LMOD3: variants seen among roughly 807,000 people sequenced by gnomAD.
The protein encoded by LMOD3 is leiomodin-3.
In LMOD3, 31 loss-of-function variants were observed where a neutral mutation model predicts 41.8. That is an observed-to-expected ratio of 0.74 (90% confidence interval 0.56 to 1.00). LMOD3 has a LOEUF of 1.00. Among genes scored for constraint, LMOD3 ranks in the 50% least tolerant of loss-of-function variants. LMOD3 has a pLI of 0.00. For missense variants in LMOD3, 755 were observed against 679.5 expected, an observed-to-expected ratio of 1.11 and a Z score of -1.23; for synonymous variants, 292 against 241.9, an observed-to-expected ratio of 1.21 and a Z score of -1.92.
In LMOD3 at chr3:69,119,208, T is replaced by C. The variant is rs751904755; in HGVS notation, c.1147A>G (p.Arg383Gly). The C allele has an allele frequency of 6.2e-7, 1 of 1,613,916 alleles. No homozygotes were observed. Among genetic ancestry groups the C allele is most frequent in the Non-Finnish European group, 8.5e-7 (1 of 1,179,880 alleles). The stretch of plus-strand genomic sequence containing the variant: ...GTGAGCAGATTAGTGACCACCATTC[T>C]GGGACCCGGAAGCTCAAAATGGTAG... ...MGYHFELPGP[R>G]MVVTNLLTRN... The change falls in exon 2 of 3, where the codon AGA becomes GGA. Residue 383 changes from arginine (R) to glycine (G), a missense_variant. Transcript: ENST00000420581.
chr3:69,111,094 G>A (rs1305419569), intron 2 of LMOD3, among the ~76,000 whole-genome samples: 1 of 151,852 alleles, frequency 6.6e-6, no homozygotes, highest in Non-Finnish European at 1.5e-5. Context: ...GTGTCCCCAG[G>A]GCATTTGTAT....
chr3:69,118,659 G>A lies in LMOD3; in HGVS notation c.1656+40C>T, dbSNP rs747299531. On this transcript the variant is annotated intron_variant, in intron 2 of 2. Transcript: ENST00000420581. ...AATAAAGTTGGGATGCATTTACTATGGAGGGTGCTCAGTCACCATTTCTCC... is the reference window on the plus strand; with the variant it reads ...AATAAAGTTGGGATGCATTTACTATAGAGGGTGCTCAGTCACCATTTCTCC... 3.8e-6 allele frequency: 6 copies of A among 1,575,818 alleles called. No homozygotes were observed. In the East Asian group the frequency reaches 9.1e-5, roughly 24 times the overall value.
At chr3:69,109,151 GA>G in intron 2 of LMOD3, 30 bp from the exon 3 acceptor site, 1 of 1,591,504 alleles carries the variant, frequency 6.3e-7, no homozygotes, top group Non-Finnish European at 8.6e-7. Context: ...GGAAACGGGG[GA>G]AATTAATCCT....
chr3:69,114,155 T>C (rs941127089), intron 2 of LMOD3, among the ~76,000 whole-genome samples: 1 of 152,182 alleles, frequency 6.6e-6, no homozygotes. Flanking sequence ...AACCAATGCA[T>C]AGAAACAGCT....
chr3:69,114,798 A>C (rs575976414), intron 2 of LMOD3, among the ~76,000 whole-genome samples: 1 of 152,244 alleles, frequency 6.6e-6, no homozygotes, highest in African/African-American at 2.4e-5. Flanking sequence ...CACCCAGCCT[A>C]AAAAAGAATT....
chr3:69,118,111 T>C (rs1389963222), intron 2 of LMOD3, among the ~76,000 whole-genome samples: 2 of 152,234 alleles, frequency 1.3e-5, no homozygotes, highest in Admixed American at 6.5e-5. Flanking sequence ...ATTACAGGCG[T>C]GAGCCAATGC....
chr3:69,121,108 A>G (rs545359408), intron 1 of LMOD3, among the ~76,000 whole-genome samples: 2 of 152,326 alleles, frequency 1.3e-5, no homozygotes, highest in South Asian at 2.1e-4. Context: ...GTTATACCAG[A>G]GGAAGGAAAA....
At chr3:69,112,741 C>T (rs2107522225) in intron 2 of LMOD3, among the ~76,000 whole-genome samples, 1 of 152,276 alleles carries the variant, frequency 6.6e-6, no homozygotes, top group Middle Eastern at 3.4e-3. Flanking sequence ...GCAGCAGCAG[C>T]ATTACCAGGG....
rs767649855 is a variant in LMOD3 at position 69,119,892 on chromosome 3, C to T, written c.463G>A (p.Asp155Asn). ...EEDEEEEDDD[D>N]DDEGEDDGEE... Reference sequence around the variant, plus strand: ...CCATCATCTTCTCCTTCGTCGTCATCATCATCATCTTCTTCTTCTTCATCT... The same window carrying T: ...CCATCATCTTCTCCTTCGTCGTCATTATCATCATCTTCTTCTTCTTCATCT... The change falls in exon 2 of 3, where the codon GAT becomes AAT. Residue 155 changes from aspartate to asparagine, a missense_variant. Physicochemically the swap from Asp to Asn is conservative, Grantham distance 23. Transcript: ENST00000420581. 3.7e-5 allele frequency: 57 copies of T among 1,548,562 alleles called. No individual in the cohort carries two copies. The highest frequency in any genetic ancestry group is 4.7e-5 in the Non-Finnish European group (54 of 1,142,008).
intron 2 of LMOD3, among the ~76,000 whole-genome samples, chr3:69,112,495 C>A (rs1223928662): frequency 5.3e-5 from 8 of 151,956 alleles, no homozygotes; most frequent in African/African-American, 1.9e-4. Flanking sequence ...GAGGTGTGGA[C>A]AAAAAAGGTA....
chr3:69,119,042 T>A lies in LMOD3; in HGVS notation c.1313A>T (p.Lys438Met), dbSNP rs6810145. ...GAATTCCTGCATTCTGGAATCTGGCTTGGGTCCTCCCAACAGCTCCCACAT... is the reference window on the plus strand; with the variant it reads ...GAATTCCTGCATTCTGGAATCTGGCATGGGTCCTCCCAACAGCTCCCACAT... ...PGMWELLGGP[K>M]PDSRMQEFFQ... Residue 438 changes from lysine to methionine, a missense_variant, in exon 2 of 3, where the codon AAG (lysine) becomes ATG (methionine). By Grantham distance (95) the Lys-to-Met change is moderately conservative. Transcript: ENST00000420581. 1,519 of 1,613,758 alleles carry A rather than the reference T, an allele frequency of 9.4e-4. 13 individuals carry two copies. The African/African-American group carries it at 0.017, about 18-fold the overall frequency.
chr3:69,120,014 T>C lies in LMOD3; in HGVS notation c.341A>G (p.Asn114Ser), dbSNP rs2092399990. Residue 114 changes from asparagine to serine, a missense_variant, in exon 2 of 3, where the codon AAT becomes AGT. Physicochemically the swap from Asn to Ser is conservative, Grantham distance 46 (BLOSUM62 1). Transcript: ENST00000420581. ...CTTTTCTTTTAAATACTGGGCCATATTTTTATTACGTTTTTCTATTTCTTC... is the reference window on the plus strand; with the variant it reads ...CTTTTCTTTTAAATACTGGGCCATACTTTTATTACGTTTTTCTATTTCTTC... ...EHEEIEKRNK[N>S]MAQYLKEKLN... 1 of 1,604,554 alleles carries C rather than the reference T, an allele frequency of 6.2e-7. No individual in the cohort carries two copies.
rs951749018 is a variant in LMOD3 at position 69,122,585 on chromosome 3, G to A, written c.-199C>T. ...GAGTGATCACAGCTAAGCTCTTGCCGGATCTATATTAAGCAGGGCTTGGCT... is the reference window on the plus strand; with the variant it reads ...GAGTGATCACAGCTAAGCTCTTGCCAGATCTATATTAAGCAGGGCTTGGCT... On this transcript the variant is annotated 5_prime_UTR_variant, in exon 1 of 3. Coordinates refer to ENST00000420581, the MANE Select transcript of LMOD3 (RefSeq NM_198271.5). 18 of 529,760 alleles carry A rather than the reference G, an allele frequency of 3.4e-5. No individual in the cohort carries two copies. The highest frequency in any genetic ancestry group is 5.7e-5 in the African/African-American group (3 of 52,510). The allele number at this position is 529,760 out of a possible 1,614,324, so 32.8% of individuals were successfully genotyped here.
intron 2 of LMOD3, among the ~76,000 whole-genome samples, chr3:69,113,801 A>T (rs1199290018): frequency 6.6e-6 from 1 of 152,200 alleles, no homozygotes; most frequent in African/African-American, 2.4e-5. Flanking sequence ...AAGTACAAAC[A>T]CTCATTTGAG....
In LMOD3 at chr3:69,116,804, G is replaced by A. The variant is rs372780990; in HGVS notation, c.1656+1895C>T. Among the ~76,000 whole-genome samples, 11 of 152,292 alleles carry A rather than the reference G, an allele frequency of 7.2e-5. No homozygotes were observed. In the East Asian group the frequency reaches 1.9e-3, roughly 27 times the overall value. On this transcript the variant is annotated intron_variant, in intron 2 of 2. Transcript: ENST00000420581. ...TAACAAATAAGTGAATGGATAGAATGGAATTGACCCAGGAAAAATGGATTT... is the reference window on the plus strand; with the variant it reads ...TAACAAATAAGTGAATGGATAGAATAGAATTGACCCAGGAAAAATGGATTT...
At chr3:69,111,907 A>T (rs1042022919) in intron 2 of LMOD3, among the ~76,000 whole-genome samples, 1 of 152,246 alleles carries the variant, frequency 6.6e-6, no homozygotes, top group Non-Finnish European at 1.5e-5. Flanking sequence ...ATAATGAAAT[A>T]GCCTTCTTGC....
rs565584106 is a variant in LMOD3, at chr3:69,107,947, C to T, written c.*1148G>A. Reference sequence around the variant, plus strand: ...TTTATGGAGGACACAGGATCTGACCCGGGAGTTGAAGACTGGGTAGGACGT... The same window carrying T: ...TTTATGGAGGACACAGGATCTGACCTGGGAGTTGAAGACTGGGTAGGACGT... On this transcript the variant is annotated 3_prime_UTR_variant, in exon 3 of 3. Transcript: ENST00000420581. 4.6e-5 allele frequency: 7 copies of T among 152,168 alleles called. No homozygotes were observed. Among genetic ancestry groups the T allele is most frequent in the East Asian group, 3.9e-4 (2 of 5,174 alleles). 9.4% of individuals were successfully genotyped at this position (152,168 alleles called of 1,614,324 possible).
chr3:69,122,237 C>T lies in LMOD3; in HGVS notation c.150G>A (p.Val50=), dbSNP rs371717342. 8 of 1,613,478 alleles carry T rather than the reference C, an allele frequency of 5.0e-6. No homozygotes were observed. In the African/African-American group the frequency reaches 8.0e-5, roughly 16 times the overall value. The change falls in exon 1 of 3, where the codon GTG becomes GTA. Residue 50 remains valine, a synonymous_variant. Transcript: ENST00000420581. The stretch of plus-strand genomic sequence containing the variant: ...CAGTTTGATCTTTCTGAATCATTCC[C>T]ACGGGAAGGCTGGGGTCAGGGGCCA... ...EVMAPDPSLP[V]GMIQKDQTDK...
intron 2 of LMOD3, among the ~76,000 whole-genome samples, chr3:69,110,853 A>AAATATATAT (rs1458630453): frequency 3.8e-5 from 4 of 104,120 alleles, no homozygotes; most frequent in African/African-American, 1.9e-4. Flanking sequence ...AAAAAAAAAA[A>AAATATATAT]ATATATATAT....
Sources: gnomAD v4.1 joint callset for allele counts (sites outside exome capture counted in the v4.1 genomes callset) on GRCh38, gnomAD v4.1.1 for gene constraint, MANE v1.5 for transcripts, NCBI Gene and HGNC (gene_info 2026-07-23, HGNC 2026-07-21) for gene names.